The following CCDC51 variants were observed in gnomAD, a reference collection of about 807,000 sequenced individuals.
The protein encoded by CCDC51 is mitochondrial potassium channel.
Under a neutral mutation model 24.8 loss-of-function variants are expected in CCDC51, and 25 were observed. The ratio of observed to expected loss-of-function variants is 1.01; its 90% CI spans 0.73 to 1.41. The LOEUF (loss-of-function observed/expected upper bound fraction) is 1.41, where lower values mean the gene tolerates loss of function less well. Ranked by LOEUF, CCDC51 falls within the 40% of genes most tolerant of loss-of-function variation. The pLI, the probability that CCDC51 is intolerant of heterozygous loss-of-function variation, is 0.00. For missense variants in CCDC51, 466 were observed against 519.1 expected, an observed-to-expected ratio of 0.90 and a Z score of 0.99; for synonymous variants, 190 against 204.3, an observed-to-expected ratio of 0.93 and a Z score of 0.60.
chr3:48,440,798 G>A (rs994464226), upstream of CCDC51: 33 of 652,446 alleles, frequency 5.1e-5, no homozygotes, highest in Non-Finnish European at 7.2e-5. Context: ...GGCAGTAAGG[G>A]CCGGGAGCTG....
At position 48,433,938 on chromosome 3, in the gene CCDC51, C is replaced by T; in HGVS notation, c.313-67G>A. ...CACCCACACAGGCTCAGCTGCATTC[C>T]CAGCAAGGCATTCCCAGAAGAGGTC... is the stretch of plus-strand genomic sequence containing the variant. On this transcript the variant is annotated intron_variant, in intron 2 of 3. Transcript: ENST00000395694. This position sits in a 1 kb window ranked among gnomAD's most constrained non-coding sequence, Gnocchi z 4.4. The T allele has an allele frequency of 1.3e-6, 2 of 1,560,656 alleles. No homozygotes were observed. Among genetic ancestry groups the T allele is most frequent in the Non-Finnish European group, 1.7e-6 (2 of 1,153,066 alleles).
rs75066279 is a variant in CCDC51, at chr3:48,434,345, G to A, written c.312+472C>T. Among the ~76,000 whole-genome samples, 1,218 of 152,202 alleles carry A rather than the reference G, an allele frequency of 8.0e-3. 6 individuals carry two copies. The highest frequency in any genetic ancestry group is 0.013 in the Non-Finnish European group (854 of 68,006). The stretch of plus-strand genomic sequence containing the variant: ...CTGAACCCCAGGTTCTTCCCACCAC[G>A]CTACACTACTACATGCCTAAGCAGG... On this transcript the variant is annotated intron_variant, in intron 2 of 3. Coordinates refer to ENST00000395694, the MANE Select transcript of CCDC51 (RefSeq NM_001256964.2).
Position 48,435,886 on chromosome 3 carries a change from C to T in CCDC51, c.-8-750G>A, listed in dbSNP as rs1019073430. On this transcript the variant is annotated intron_variant, in intron 1 of 3. Transcript: ENST00000395694. The surrounding 1 kb of genome is among the most constrained non-coding windows in gnomAD (Gnocchi z 4.2). ...TACCAACTCTCAGTCTCACACTTCA[C>T]GACTTCCATAAGCTTTCTCTTTCCT... Among the ~76,000 whole-genome samples the T allele has an allele frequency of 1.3e-5, 2 of 152,364 alleles. No individual in the cohort carries two copies. Among genetic ancestry groups the T allele is most frequent in the South Asian group, 4.1e-4 (2 of 4,824 alleles).
At position 48,432,823 on chromosome 3, in the gene CCDC51, T is replaced by G. The variant is rs1349883877; in HGVS notation, c.821A>C (p.His274Pro). Residue 274 changes from histidine (H) to proline (P), a missense_variant, in exon 4 of 4, where the codon CAT (histidine) becomes CCT (proline). Physicochemically the swap from His to Pro is moderately conservative, Grantham distance 77. Transcript: ENST00000395694. ...AGAGTCCTGCCCTGGCCCAGCAGCATGTACCAGGCCCCTCAGGTCCACCAT... is the reference window on the plus strand; with the variant it reads ...AGAGTCCTGCCCTGGCCCAGCAGCAGGTACCAGGCCCCTCAGGTCCACCAT... ...NLMVDLRGLV[H>P]AAGPGQDSGS... 9 of 1,614,050 alleles carry G rather than the reference T, an allele frequency of 5.6e-6. No homozygotes were observed. The highest frequency in any genetic ancestry group is 1.3e-5 in the African/African-American group (1 of 74,934).
chr3:48,433,135 C>A lies in CCDC51; in HGVS notation c.509G>T (p.Arg170Leu). The A allele has an allele frequency of 6.2e-7, 1 of 1,613,316 alleles. No individual in the cohort carries two copies. The highest frequency in any genetic ancestry group is 8.5e-7 in the Non-Finnish European group (1 of 1,179,730). Residue 170 changes from arginine (R) to leucine (L), a missense_variant, in exon 4 of 4, where the codon CGT (arginine) becomes CTT (leucine). Physicochemically the swap from Arg to Leu is moderately radical, Grantham distance 102. Coordinates refer to ENST00000395694, the MANE Select transcript of CCDC51 (RefSeq NM_001256964.2). This position sits in a 1 kb window ranked among gnomAD's most constrained non-coding sequence, Gnocchi z 4.4. ...EEKRLRTAYLRAEDSEREKFS... is the reference protein window; with the variant it reads ...EEKRLRTAYLLAEDSEREKFS... Reference sequence around the variant, plus strand: ...CTTCTCTCGCTCAGAGTCTTCTGCACGCAGATAGGCTGTGCGAAGCCTCTT... The same window carrying A: ...CTTCTCTCGCTCAGAGTCTTCTGCAAGCAGATAGGCTGTGCGAAGCCTCTT...
upstream of CCDC51, chr3:48,440,463 G>A: frequency 1.2e-6 from 2 of 1,611,948 alleles, no homozygotes; most frequent in Non-Finnish European, 1.7e-6. Flanking sequence ...GACGAGGTGA[G>A]GGCGGGCGCG....
intron 1 of CCDC51, among the ~76,000 whole-genome samples, chr3:48,439,232 A>G (rs2039470104): frequency 6.6e-6 from 1 of 152,236 alleles, no homozygotes; most frequent in Non-Finnish European, 1.5e-5. Context: ...CACTCACTAG[A>G]ATTTCAGCTT....
intron 1 of CCDC51, 57 bp downstream of exon 1, chr3:48,439,931 T>C: frequency 2.8e-6 from 1 of 353,606 alleles, no homozygotes; most frequent in East Asian, 4.4e-5. Flanking sequence ...CTTTCCTTGG[T>C]TCCAGGAAAG....
At chr3:48,442,844 G>A (rs1256074670), upstream of CCDC51, among the ~76,000 whole-genome samples, 3 of 152,200 alleles carry the variant, frequency 2.0e-5, no homozygotes, top group Admixed American at 2.0e-4. Context: ...ATCATAATAT[G>A]GAAGGTAGTG....
At chr3:48,434,529 C>T (rs950533466) in intron 2 of CCDC51, among the ~76,000 whole-genome samples, 5 of 152,214 alleles carry the variant, frequency 3.3e-5, no homozygotes, top group Non-Finnish European at 7.3e-5. Context: ...GCAAGCCCCA[C>T]GTAACTCTCA....
the CCDC51 span, among the ~76,000 whole-genome samples, chr3:48,445,569 A>T: frequency 2.0e-5 from 3 of 152,320 alleles, no homozygotes; most frequent in Non-Finnish European, 4.4e-5. Flanking sequence ...ATCCCTCTTT[A>T]ACAAATGAAC....
Position 48,433,647 on chromosome 3 carries a change from T to G in CCDC51, c.477+60A>C. The G allele has an allele frequency of 8.3e-6, 13 of 1,559,392 alleles. No individual in the cohort carries two copies. The highest frequency in any genetic ancestry group is 1.7e-4 in the Middle Eastern group (1 of 5,768). ...TCAGGGTTCCCACCCGGCCCCTCCA[T>G]GATCTGCCAGGCTAGGGTCACTGTC... On this transcript the variant is annotated intron_variant, in intron 3 of 3. Transcript: ENST00000395694. The surrounding 1 kb of genome is among the most constrained non-coding windows in gnomAD (Gnocchi z 4.4).
chr3:48,444,675 A>C (rs1232084165), upstream of CCDC51, among the ~76,000 whole-genome samples: 1 of 152,234 alleles, frequency 6.6e-6, no homozygotes, highest in Non-Finnish European at 1.5e-5. Context: ...GGCGTCTGCT[A>C]TATGCAGGCA....
Position 48,435,276 on chromosome 3 carries a change from A to C in CCDC51, c.-8-140T>G. On this transcript the variant is annotated intron_variant, in intron 1 of 3. Transcript: ENST00000395694. This position sits in a 1 kb window ranked among gnomAD's most constrained non-coding sequence, Gnocchi z 4.2. ...CTGAGCACCACCCTGTTGGGCCCAG[A>C]GACTGTGGCCCCTGTGGCAAGAGGA... 4.3e-6 allele frequency: 3 copies of C among 695,866 alleles called. No individual in the cohort carries two copies. In the South Asian group the frequency reaches 6.4e-5, roughly 15 times the overall value. 43.1% of individuals were successfully genotyped at this position (695,866 alleles called of 1,614,324 possible).
At position 48,433,620 on chromosome 3, in the gene CCDC51, A is replaced by T; in HGVS notation, c.477+87T>A. Reference sequence around the variant, plus strand: ...TGTACCAGGCCTCTGACTACAGACCAGTCAGGGTTCCCACCCGGCCCCTCC... The same window carrying T: ...TGTACCAGGCCTCTGACTACAGACCTGTCAGGGTTCCCACCCGGCCCCTCC... On this transcript the variant is annotated intron_variant, in intron 3 of 3. Coordinates refer to ENST00000395694, the MANE Select transcript of CCDC51 (RefSeq NM_001256964.2). The surrounding 1 kb of genome is among the most constrained non-coding windows in gnomAD (Gnocchi z 4.4). 1 of 1,422,612 alleles carries T rather than the reference A, an allele frequency of 7.0e-7. No homozygotes were observed. Among genetic ancestry groups the T allele is most frequent in the Non-Finnish European group, 9.6e-7 (1 of 1,037,432 alleles). The allele number at this position is 1,422,612 out of a possible 1,614,324, so 88.1% of individuals were successfully genotyped here.
chr3:48,444,427 C>G (rs1227953002), upstream of CCDC51, among the ~76,000 whole-genome samples: 1 of 152,136 alleles, frequency 6.6e-6, no homozygotes, highest in Admixed American at 6.5e-5. Flanking sequence ...CACCCGCCAC[C>G]ATGCCTAGCT....
At chr3:48,436,497 C>T (rs965534368) in intron 1 of CCDC51, among the ~76,000 whole-genome samples, 2 of 152,216 alleles carry the variant, frequency 1.3e-5, no homozygotes, top group Non-Finnish European at 2.9e-5. Flanking sequence ...GCTGGTGCCA[C>T]ACCCAAACCC....
intron 1 of CCDC51, among the ~76,000 whole-genome samples, chr3:48,438,914 C>T (rs2039457026): frequency 6.6e-6 from 1 of 152,208 alleles, no homozygotes; most frequent in South Asian, 2.1e-4. Context: ...TCATCTCCCA[C>T]TAGTCTCCCT....
chr3:48,440,746 C>T, upstream of CCDC51: 1 of 898,112 alleles, frequency 1.1e-6, no homozygotes, highest in South Asian at 1.6e-5. Context: ...TTTCCGACGT[C>T]CGCTGCAGCG....
Sources: gnomAD v4.1 joint callset for allele counts (sites outside exome capture counted in the v4.1 genomes callset) on GRCh38, gnomAD v4.1.1 for gene constraint, Gnocchi (gnomAD v3.1) non-coding constraint, MANE v1.5 for transcripts, NCBI Gene and HGNC (gene_info 2026-07-23, HGNC 2026-07-21) for gene names.